The following MEGF9 variants were observed in gnomAD, a reference collection of about 807,000 sequenced individuals.
The protein encoded by MEGF9 is multiple EGF like domains 9.
A neutral mutation model predicts 46.8 loss-of-function variants in MEGF9; 6 were observed. The ratio of observed to expected loss-of-function variants is 0.13; its 90% CI spans 0.07 to 0.25. The LOEUF is 0.25. Among genes scored for constraint, MEGF9 ranks in the 10% least tolerant of loss-of-function variants. The pLI, the probability that MEGF9 is intolerant of heterozygous loss-of-function variation, is 1.00. For synonymous variants in MEGF9, 302 were observed against 330.7 expected (o/e 0.91, Z 0.94); for missense variants, 683 against 792.4 (o/e 0.86, Z 1.66).
Position 120,607,799 on chromosome 9 carries a change from C to A in MEGF9, c.1299G>T (p.Trp433Cys). The change falls in exon 5 of 6, where the codon TGG (tryptophan) becomes TGT (cysteine). Residue 433 changes from tryptophan to cysteine, a missense_variant. This residue lies in a region of MEGF9 where 313 missense variants were observed against 421.1 expected (regional missense o/e 0.74). Coordinates refer to ENST00000373930, the MANE Select transcript of MEGF9 (RefSeq NM_001080497.3). ...CATAACCTTCTAGGCAGTTCTCACA[C>A]CAAAACCCAGTGGTGTTATGGAGGC... ...INCLHNTTGF[W>C]CENCLEGYVH... 6.2e-7 allele frequency: 1 copy of A among 1,613,988 alleles called. No homozygotes were observed. Among genetic ancestry groups the A allele is most frequent in the Non-Finnish European group, 8.5e-7 (1 of 1,179,886 alleles).
chr9:120,665,538 T>G (rs1388797335), intron 1 of MEGF9, among the ~76,000 whole-genome samples: 1 of 152,170 alleles, frequency 6.6e-6, no homozygotes, highest in Non-Finnish European at 1.5e-5. Flanking sequence ...GCTCGAATTT[T>G]TTTTATCTCC....
intron 1 of MEGF9, among the ~76,000 whole-genome samples, chr9:120,693,292 AAAGAAGAAG>A (rs1554799316): frequency 5.4e-5 from 8 of 147,472 alleles, no homozygotes; most frequent in African/African-American, 2.1e-4. Flanking sequence ...AAAAAAAAAA[AAAGAAGAAG>A]AAGAAGAAGA....
intron 4 of MEGF9, 77 bp downstream of exon 4, chr9:120,612,319 T>C (rs1289409892): frequency 7.2e-7 from 1 of 1,396,780 alleles, no homozygotes; most frequent in Admixed American, 2.3e-5. Flanking sequence ...CAGAACTTTA[T>C]TCATCAATGC....
At position 120,607,910 on chromosome 9, in the gene MEGF9, G is replaced by A. The variant is rs2043426740; in HGVS notation, c.1188C>T (p.Ile396=). Residue 396 remains isoleucine, a synonymous_variant, in exon 5 of 6, where the codon ATC becomes ATT. Coordinates refer to ENST00000373930, the MANE Select transcript of MEGF9 (RefSeq NM_001080497.3). The stretch of plus-strand genomic sequence containing the variant: ...GGCCGTGACATTGGCACTTTCTACA[G>A]ATGCTGTCAAAATTGTAATAGCCAT... The part of the protein sequence containing the change: ...CENGYYNFDS[I]CRKCQCHGHV... 1.9e-6 allele frequency: 3 copies of A among 1,613,862 alleles called. No individual in the cohort carries two copies. The highest frequency in any genetic ancestry group is 1.6e-4 in the Middle Eastern group (1 of 6,084).
At chr9:120,615,878 A>G (rs904716603) in intron 3 of MEGF9, among the ~76,000 whole-genome samples, 3 of 152,296 alleles carry the variant, frequency 2.0e-5, no homozygotes, top group African/African-American at 7.2e-5. Context: ...CGGGAAATAG[A>G]GCGAGACCCT....
At chr9:120,708,360 T>C (rs1284159027) in intron 1 of MEGF9, among the ~76,000 whole-genome samples, 2 of 152,192 alleles carry the variant, frequency 1.3e-5, no homozygotes, top group East Asian at 1.9e-4. Context: ...CAAAACTCCG[T>C]CTCCAAAAAC....
chr9:120,645,169 G>A (rs575176392), intron 2 of MEGF9, among the ~76,000 whole-genome samples: 2 of 152,280 alleles, frequency 1.3e-5, no homozygotes, highest in East Asian at 3.9e-4. Context: ...TAAGCCCTGG[G>A]GAGGGAAGAA....
intron 2 of MEGF9, among the ~76,000 whole-genome samples, chr9:120,654,485 T>G (rs1196615158): frequency 6.6e-6 from 1 of 152,214 alleles, no homozygotes; most frequent in Admixed American, 6.5e-5. Context: ...CACTGCAACA[T>G]ATTACTCATG....
chr9:120,697,794 AC>A (rs2132341667), intron 1 of MEGF9, among the ~76,000 whole-genome samples: 1 of 152,204 alleles, frequency 6.6e-6, no homozygotes, highest in South Asian at 2.1e-4. Flanking sequence ...CTGAAAGCGA[AC>A]CTGGATCACT....
rs547845074 is a variant in MEGF9, at chr9:120,693,871, G to A, written c.601+19887C>T. Among the ~76,000 whole-genome samples, 24 of 151,602 alleles carry A rather than the reference G, an allele frequency of 1.6e-4. No homozygotes were observed. In the South Asian group the frequency reaches 5.0e-3, roughly 32 times the overall value. On this transcript the variant is annotated intron_variant, in intron 1 of 5. Transcript: ENST00000373930. Reference sequence around the variant, plus strand: ...AACTTTACTCATCTGACTCATAACAGACATCCAAGTCTTCTCCTCTGGAAA... The same window carrying A: ...AACTTTACTCATCTGACTCATAACAAACATCCAAGTCTTCTCCTCTGGAAA...
intron 1 of MEGF9, among the ~76,000 whole-genome samples, chr9:120,710,071 C>T (rs928017825): frequency 6.8e-6 from 1 of 148,074 alleles, no homozygotes; most frequent in Non-Finnish European, 1.5e-5. Flanking sequence ...TTGTCATTAC[C>T]TTAGTGTCTT....
chr9:120,608,741 T>A (rs888172877), intron 4 of MEGF9, among the ~76,000 whole-genome samples: 2 of 152,170 alleles, frequency 1.3e-5, no homozygotes, highest in Non-Finnish European at 2.9e-5. Context: ...TCCTCCAATG[T>A]TCCCTAGATC....
intron 5 of MEGF9, among the ~76,000 whole-genome samples, chr9:120,606,327 G>T (rs2043420402): frequency 6.6e-6 from 1 of 152,160 alleles, no homozygotes; most frequent in South Asian, 2.1e-4. Flanking sequence ...GGGATATATG[G>T]CAATCATTTG....
chr9:120,649,282 T>C (rs183902933), intron 2 of MEGF9, among the ~76,000 whole-genome samples: 4 of 152,374 alleles, frequency 2.6e-5, no homozygotes, highest in African/African-American at 4.8e-5. Context: ...ACCGTAGAGC[T>C]AGTCCTCAAA....
chr9:120,662,514 T>C (rs2043707121), intron 1 of MEGF9, among the ~76,000 whole-genome samples: 1 of 152,266 alleles, frequency 6.6e-6, no homozygotes, highest in South Asian at 2.1e-4. Flanking sequence ...ATTGTAGACG[T>C]AGACGGCTAA....
At chr9:120,669,668 T>C (rs913767611) in intron 1 of MEGF9, among the ~76,000 whole-genome samples, 5 of 151,744 alleles carry the variant, frequency 3.3e-5, no homozygotes, top group African/African-American at 9.7e-5. Flanking sequence ...AAATTAGATA[T>C]ATATCTAATA....
chr9:120,653,304 ACTACTT>A (rs2043661675), intron 2 of MEGF9, among the ~76,000 whole-genome samples: 1 of 152,134 alleles, frequency 6.6e-6, no homozygotes, highest in Admixed American at 6.5e-5. Context: ...AGGCTTTTAA[ACTACTT>A]CTGTGATACA....
chr9:120,663,710 C>T (rs2043712788), intron 1 of MEGF9, among the ~76,000 whole-genome samples: 1 of 152,182 alleles, frequency 6.6e-6, no homozygotes, highest in Non-Finnish European at 1.5e-5. Flanking sequence ...AGATGCCGAA[C>T]AGCTCATTCA....
intron 2 of MEGF9, among the ~76,000 whole-genome samples, chr9:120,643,872 G>A (rs2043614882): frequency 6.6e-6 from 1 of 151,852 alleles, no homozygotes; most frequent in African/African-American, 2.4e-5. Context: ...CTACAAGCAT[G>A]CTTGACTAAT....
Sources: allele counts gnomAD v4.1 joint callset (sites outside exome capture counted in the v4.1 genomes callset), GRCh38; gene constraint gnomAD v4.1.1; regional missense constraint gnomAD v4.1.1; transcripts MANE v1.5; gene names NCBI Gene and HGNC (gene_info 2026-07-23, HGNC 2026-07-21).